Variants in TAF4 observed in about 807,000 individuals in gnomAD.
TAF4 encodes the protein transcription initiation factor TFIID subunit 4.
In TAF4, 9 loss-of-function variants were observed where a neutral mutation model predicts 90.3. That is an observed-to-expected ratio of 0.10 (90% CI 0.06 to 0.17). TAF4 has a LOEUF of 0.17. Among genes scored for constraint, TAF4 ranks in the 10% least tolerant of loss-of-function variants. The pLI, the probability that TAF4 is intolerant of heterozygous loss-of-function variation, is 1.00. For synonymous variants in TAF4, 818 were observed against 638.9 expected, an observed-to-expected ratio of 1.28 and a Z score of -4.23; for missense variants, 1,351 against 1,370.7, an observed-to-expected ratio of 0.99 and a Z score of 0.23.
At chr20:62,029,564 G>A (rs1001470919) in intron 1 of TAF4, among the ~76,000 whole-genome samples, 1 of 152,148 alleles carries the variant, frequency 6.6e-6, no homozygotes, top group African/African-American at 2.4e-5. Flanking sequence ...GGTGGGGCGG[G>A]GTAAGGAAGG....
chr20:62,037,561 A>C (rs960808695), intron 1 of TAF4: 2 of 152,534 alleles, frequency 1.3e-5, no homozygotes, highest in African/African-American at 4.8e-5. Context: ...GGCGCCCTGT[A>C]TGGATGAACC....
At chr20:62,043,725 C>G (rs1233542451) in intron 1 of TAF4, among the ~76,000 whole-genome samples, 1 of 152,188 alleles carries the variant, frequency 6.6e-6, no homozygotes, top group Non-Finnish European at 1.5e-5. Context: ...TGCAGGTTTA[C>G]AGCCCAGGAG....
chr20:61,990,141 C>T (rs891029692), intron 14 of TAF4, among the ~76,000 whole-genome samples: 7 of 152,106 alleles, frequency 4.6e-5, no homozygotes, highest in Admixed American at 1.3e-4. Flanking sequence ...AGGTATCAGC[C>T]GCACGAGCAT....
At chr20:61,991,892 A>C (rs555845874) in intron 14 of TAF4, among the ~76,000 whole-genome samples, 1 of 152,202 alleles carries the variant, frequency 6.6e-6, no homozygotes, top group Non-Finnish European at 1.5e-5. Flanking sequence ...GGGAAGAAAA[A>C]CACGTGGCCT....
In TAF4 at chr20:62,000,111, A is replaced by T. The variant is rs565687191; in HGVS notation, c.2787+13T>A. The T allele has an allele frequency of 1.2e-6, 2 of 1,614,248 alleles. No homozygotes were observed. The highest frequency in any genetic ancestry group is 4.5e-5 in the East Asian group (2 of 44,884). On this transcript the variant is annotated intron_variant, in intron 11 of 14. Transcript: ENST00000252996. ...CAACATAAAGACGCTCTCCTCGGCAAACAGCCTGTTACCTTGTAAGAAAAG... is the reference window on the plus strand; with the variant it reads ...CAACATAAAGACGCTCTCCTCGGCATACAGCCTGTTACCTTGTAAGAAAAG...
At chr20:62,038,153 AG>A (rs1365552816) in intron 1 of TAF4, among the ~76,000 whole-genome samples, 1 of 151,912 alleles carries the variant, frequency 6.6e-6, no homozygotes. Flanking sequence ...CTCAGCCTCC[AG>A]GTGGCTGGGA....
chr20:62,033,582 C>T (rs527362311), intron 1 of TAF4, among the ~76,000 whole-genome samples: 2 of 152,104 alleles, frequency 1.3e-5, no homozygotes, highest in South Asian at 2.1e-4. Context: ...ACTAAAAATA[C>T]AAAAATTAGC....
intron 8 of TAF4, 98 bp downstream of exon 8, chr20:62,003,633 T>C (rs2055722510): frequency 1.0e-5 from 14 of 1,392,074 alleles, no homozygotes; most frequent in Non-Finnish European, 1.3e-5. Context: ...CAATTTTATG[T>C]AAATGTACAT....
chr20:61,988,112 C>T (rs1036421120), intron 14 of TAF4, among the ~76,000 whole-genome samples: 8 of 152,144 alleles, frequency 5.3e-5, no homozygotes, highest in Non-Finnish European at 1.0e-4. Context: ...GGAACGACTC[C>T]ACATGATACG....
intron 11 of TAF4, 36 bp from the exon 12 acceptor site, chr20:61,999,144 C>G (rs750417231): frequency 6.2e-7 from 1 of 1,609,114 alleles, no homozygotes; most frequent in African/African-American, 1.3e-5. Context: ...TGTCATAAAT[C>G]TGAGAGCCCA....
chr20:61,976,818 G>A (rs1480617346), intron 14 of TAF4, among the ~76,000 whole-genome samples: 1 of 152,232 alleles, frequency 6.6e-6, no homozygotes, highest in Non-Finnish European at 1.5e-5. Flanking sequence ...CAGCTGGGAA[G>A]GCTGGGTTTC....
At chr20:62,041,560 C>G (rs2055963918) in intron 1 of TAF4, among the ~76,000 whole-genome samples, 1 of 151,888 alleles carries the variant, frequency 6.6e-6, no homozygotes, top group South Asian at 2.1e-4. Flanking sequence ...ACCCGGGAGG[C>G]AGAGGTTGCA....
intron 2 of TAF4, among the ~76,000 whole-genome samples, chr20:62,013,476 G>C (rs930878302): frequency 6.6e-6 from 1 of 152,222 alleles, no homozygotes; most frequent in Non-Finnish European, 1.5e-5. Context: ...GTGAAGCCAC[G>C]AGTGTCTTCC....
intron 1 of TAF4, among the ~76,000 whole-genome samples, chr20:62,054,330 T>C (rs922201502): frequency 4.6e-5 from 7 of 152,130 alleles, no homozygotes; most frequent in African/African-American, 1.4e-4. Context: ...GGAAGGGGAC[T>C]CTCTTCCAGG....
chr20:61,991,672 AAAG>A (rs2055632533), intron 14 of TAF4, among the ~76,000 whole-genome samples: 2 of 152,308 alleles, frequency 1.3e-5, no homozygotes, highest in Admixed American at 1.3e-4. Context: ...TCCAGCAGGC[AAAG>A]AAGATACAAC....
intron 1 of TAF4, among the ~76,000 whole-genome samples, chr20:62,017,084 T>C (rs1296948518): frequency 6.6e-6 from 1 of 151,136 alleles, no homozygotes; most frequent in East Asian, 2.0e-4. Context: ...GAAGCTGCAG[T>C]GGGCTACCAT....
At chr20:61,997,003 C>T (rs958465214) in intron 14 of TAF4, among the ~76,000 whole-genome samples, 7 of 151,952 alleles carry the variant, frequency 4.6e-5, no homozygotes, top group Admixed American at 3.3e-4. Context: ...CATAAAAGAC[C>T]GTTTTCTTTC....
intron 9 of TAF4, among the ~76,000 whole-genome samples, chr20:62,001,313 A>G (rs2180302): frequency 0.63 from 96,408 of 152,024 alleles, 30,621 homozygotes; most frequent in Middle Eastern, 0.76. Context: ...GACAGTCTGC[A>G]TCCCAATCCC....
chr20:62,046,148 A>G (rs1476339631), intron 1 of TAF4, among the ~76,000 whole-genome samples: 2 of 152,208 alleles, frequency 1.3e-5, no homozygotes, highest in Non-Finnish European at 2.9e-5. Flanking sequence ...CACAGCCATA[A>G]CTGCCTTTCC....
Sources: gnomAD v4.1 joint callset for allele counts (sites outside exome capture counted in the v4.1 genomes callset) on GRCh38, gnomAD v4.1.1 for gene constraint, MANE v1.5 for transcripts, NCBI Gene and HGNC (gene_info 2026-07-23, HGNC 2026-07-21) for gene names.